Variants in PRORP observed in about 807,000 individuals in gnomAD.
PRORP encodes the protein mitochondrial ribonuclease P catalytic subunit.
A neutral mutation model predicts 59.4 loss-of-function variants in PRORP; 51 were observed. That is an observed-to-expected ratio of 0.86 (90% CI 0.69 to 1.08). PRORP has a LOEUF of 1.08. Ranked by LOEUF, PRORP falls within the 50% of genes least tolerant of loss-of-function variation. The pLI is 0.00. For synonymous variants in PRORP, 231 were observed against 245.6 expected, an observed-to-expected ratio of 0.94 and a Z score of 0.55; for missense variants, 646 against 690.3, an observed-to-expected ratio of 0.94 and a Z score of 0.72.
intron 5 of PRORP, among the ~76,000 whole-genome samples, chr14:35,232,831 AC>A (rs963956983): frequency 6.6e-6 from 1 of 151,872 alleles, no homozygotes; most frequent in Non-Finnish European, 1.5e-5. Flanking sequence ...TGCCACCACG[AC>A]CGGCTAATTT....
intron 5 of PRORP, among the ~76,000 whole-genome samples, chr14:35,189,508 A>G (rs1318004689): frequency 6.6e-6 from 1 of 151,966 alleles, no homozygotes; most frequent in African/African-American, 2.4e-5. Context: ...CCTTTTAAGA[A>G]GAACAGTTAC....
intron 5 of PRORP, among the ~76,000 whole-genome samples, chr14:35,231,654 A>G (rs1228143920): frequency 6.6e-6 from 1 of 152,222 alleles, no homozygotes; most frequent in Non-Finnish European, 1.5e-5. Flanking sequence ...AGTAGGACAG[A>G]TAGAGGCGCC....
At chr14:35,270,345 C>G (rs1285450392) in intron 6 of PRORP, 56 bp from the exon 7 acceptor site, 1 of 1,526,226 alleles carries the variant, frequency 6.6e-7, no homozygotes, top group South Asian at 1.2e-5. Context: ...GTGAAAAACA[C>G]TGTCCTCTGC....
At chr14:35,189,725 G>A (rs994012257) in intron 5 of PRORP, among the ~76,000 whole-genome samples, 30 of 152,080 alleles carry the variant, frequency 2.0e-4, no homozygotes, top group African/African-American at 4.8e-5. Context: ...TCTTGTGTTC[G>A]TGCATGACTC....
At chr14:35,235,070 A>T (rs1052487323) in intron 5 of PRORP, 1 of 408,222 alleles carries the variant, frequency 2.4e-6, no homozygotes, top group African/African-American at 2.1e-5. Flanking sequence ...CACTCTTTCA[A>T]TGTTACCAGT....
At chr14:35,190,956 A>G (rs975368927) in intron 5 of PRORP, among the ~76,000 whole-genome samples, 4 of 152,112 alleles carry the variant, frequency 2.6e-5, no homozygotes, top group African/African-American at 7.2e-5. Context: ...AATTTAATAA[A>G]CTTAATTTTC....
chr14:35,183,497 G>T (rs2048670065), intron 5 of PRORP, among the ~76,000 whole-genome samples: 1 of 152,032 alleles, frequency 6.6e-6, no homozygotes, highest in African/African-American at 2.4e-5. Context: ...TTTACCTGTT[G>T]TTAGACAAAT....
intron 5 of PRORP, among the ~76,000 whole-genome samples, chr14:35,242,049 A>G (rs1247601899): frequency 6.6e-6 from 1 of 152,178 alleles, no homozygotes; most frequent in East Asian, 1.9e-4. Flanking sequence ...CTGGAGCAGA[A>G]AAGGTACACA....
chr14:35,168,698 A>T (rs10143314), intron 4 of PRORP, among the ~76,000 whole-genome samples: 65,486 of 151,958 alleles, frequency 0.43, 14,407 homozygotes, highest in East Asian at 0.68. Context: ...TCAGGTTGGT[A>T]TTTTTGGCAA....
intron 5 of PRORP, among the ~76,000 whole-genome samples, chr14:35,199,317 G>A (rs2049087448): frequency 1.4e-5 from 2 of 145,060 alleles, no homozygotes; most frequent in African/African-American, 5.1e-5. Flanking sequence ...CCTGGCGAGA[G>A]AGTGAGACTC....
At chr14:35,133,603 C>T (rs1299143788) in intron 4 of PRORP, among the ~76,000 whole-genome samples, 1 of 152,078 alleles carries the variant, frequency 6.6e-6, no homozygotes, top group East Asian at 1.9e-4. Context: ...TTATTGTAGT[C>T]TTTGCAGTCT....
rs529386722 is a variant in PRORP at position 35,263,023 on chromosome 14, C to T, written c.1276-3704C>T. ...GTCTCTGAAAAAGGAACTGTTCAGC[C>T]GGCTGATGAATAAGATCTAAGAGTT... is the stretch of plus-strand genomic sequence containing the variant. On this transcript the variant is annotated intron_variant, in intron 5 of 7. Transcript: ENST00000534898. 100 of 1,587,600 alleles carry T rather than the reference C, an allele frequency of 6.3e-5. No individual in the cohort carries two copies. In the East Asian group the frequency reaches 1.8e-3, roughly 29 times the overall value.
chr14:35,216,599 A>G (rs1223084635), intron 5 of PRORP, among the ~76,000 whole-genome samples: 2 of 152,194 alleles, frequency 1.3e-5, no homozygotes, highest in African/African-American at 2.4e-5. Context: ...ATACTACTGT[A>G]TGAACATTTT....
chr14:35,247,035 A>G (rs184907191), intron 5 of PRORP, among the ~76,000 whole-genome samples: 9 of 152,272 alleles, frequency 5.9e-5, no homozygotes, highest in African/African-American at 1.9e-4. Context: ...TATTATTTCT[A>G]CTTTACCAAT....
intron 5 of PRORP, among the ~76,000 whole-genome samples, chr14:35,218,148 T>C (rs1299718305): frequency 2.0e-5 from 3 of 152,112 alleles, no homozygotes; most frequent in Non-Finnish European, 4.4e-5. Flanking sequence ...GACACCCTCC[T>C]GTCAAGCTAA....
chr14:35,232,770 T>A (rs537798748), intron 5 of PRORP, among the ~76,000 whole-genome samples: 1 of 152,270 alleles, frequency 6.6e-6, no homozygotes, highest in East Asian at 1.9e-4. Flanking sequence ...CCTCCCAGGT[T>A]CAAGTGATTC....
At chr14:35,148,217 C>G (rs967922835) in intron 4 of PRORP, among the ~76,000 whole-genome samples, 1 of 152,228 alleles carries the variant, frequency 6.6e-6, no homozygotes, top group Non-Finnish European at 1.5e-5. Flanking sequence ...AGAGCAATCA[C>G]TGTCTATGAC....
chr14:35,222,063 C>G (rs1316538263), intron 5 of PRORP: 1 of 152,056 alleles, frequency 6.6e-6, no homozygotes, highest in East Asian at 1.9e-4. Context: ...GTTGTCATTT[C>G]TTAATATTAT....
At chr14:35,244,590 A>G (rs911868810) in intron 5 of PRORP, among the ~76,000 whole-genome samples, 1 of 152,140 alleles carries the variant, frequency 6.6e-6, no homozygotes, top group Non-Finnish European at 1.5e-5. Flanking sequence ...ATGGTAGAAT[A>G]TTGGCAATTT....
Sources: allele counts gnomAD v4.1 joint callset (sites outside exome capture counted in the v4.1 genomes callset), GRCh38; gene constraint gnomAD v4.1.1; transcripts MANE v1.5; gene names NCBI Gene and HGNC (gene_info 2026-07-23, HGNC 2026-07-21).